Variants in SAMSN1 observed in about 807,000 individuals in gnomAD.
The protein encoded by SAMSN1 is SAM domain-containing protein SAMSN-1.
Under a neutral mutation model 42.0 loss-of-function variants are expected in SAMSN1, and 31 were observed. The observed-to-expected ratio is 0.74, with a 90% CI of 0.55 to 1.00. The LOEUF (loss-of-function observed/expected upper bound fraction) is 1.00, where lower values mean the gene tolerates loss of function less well. SAMSN1 is among the 50% of genes least tolerant of loss of function. The pLI is 0.00. For synonymous variants in SAMSN1, 178 were observed against 151.9 expected, an observed-to-expected ratio of 1.17 and a Z score of -1.26; for missense variants, 464 against 439.4, an observed-to-expected ratio of 1.06 and a Z score of -0.50.
intron 2 of SAMSN1, among the ~76,000 whole-genome samples, chr21:14,554,698 C>CT (rs34880996): frequency 0.28 from 36,576 of 130,374 alleles, 5,509 homozygotes; most frequent in African/African-American, 0.39. Flanking sequence ...TTTTCTTTTT[C>CT]TTTTTTTTTT....
At chr21:14,519,520 A>G (rs2123030217) in intron 2 of SAMSN1, among the ~76,000 whole-genome samples, 1 of 152,166 alleles carries the variant, frequency 6.6e-6, no homozygotes, top group South Asian at 2.1e-4. Flanking sequence ...ACACACAAAC[A>G]CATATATGTG....
chr21:14,569,982 T>G (rs1981243566), intron 2 of SAMSN1, among the ~76,000 whole-genome samples: 1 of 112,574 alleles, frequency 8.9e-6, no homozygotes. Context: ...CTTTAACCAC[T>G]TTCCCCCCCC....
At chr21:14,501,209 C>T (rs1451331275) in intron 5 of SAMSN1, among the ~76,000 whole-genome samples, 1 of 152,142 alleles carries the variant, frequency 6.6e-6, no homozygotes, top group Non-Finnish European at 1.5e-5. Context: ...TGACAAAAAG[C>T]TCTCACATAG....
At chr21:14,523,099 G>A (rs866934911) in intron 1 of SAMSN1, among the ~76,000 whole-genome samples, 16 of 152,270 alleles carry the variant, frequency 1.1e-4, no homozygotes, top group Middle Eastern at 6.8e-3. Flanking sequence ...TGATGTTGGA[G>A]AAAACTGTTT....
intron 5 of SAMSN1, among the ~76,000 whole-genome samples, chr21:14,603,224 A>T (rs1982480897): frequency 6.6e-6 from 1 of 152,050 alleles, no homozygotes; most frequent in Non-Finnish European, 1.5e-5. Flanking sequence ...TCTTTTAGTC[A>T]CCTTTTTACA....
At chr21:14,649,357 G>A in intron 1 of SAMSN1, among the ~76,000 whole-genome samples, 1 of 151,662 alleles carries the variant, frequency 6.6e-6, no homozygotes. Context: ...GCACCAGCAT[G>A]GCACATGTAT....
chr21:14,622,317 C>G (rs191310090), intron 2 of SAMSN1, among the ~76,000 whole-genome samples: 1 of 152,180 alleles, frequency 6.6e-6, no homozygotes, highest in African/African-American at 2.4e-5. Context: ...GATGATCAAA[C>G]TTCTCCGAGC....
intron 2 of SAMSN1, among the ~76,000 whole-genome samples, chr21:14,625,722 C>A (rs1473395952): frequency 6.6e-6 from 1 of 152,188 alleles, no homozygotes; most frequent in Non-Finnish European, 1.5e-5. Context: ...TTTACAGATT[C>A]AATGCCATCC....
chr21:14,552,721 G>T (rs1359365810), intron 2 of SAMSN1, among the ~76,000 whole-genome samples: 2 of 152,076 alleles, frequency 1.3e-5, no homozygotes, highest in Non-Finnish European at 1.5e-5. Context: ...GCATCTGTCC[G>T]TAAAGTTACT....
At chr21:14,504,634 G>C (rs1424519252) in intron 5 of SAMSN1, among the ~76,000 whole-genome samples, 1 of 152,232 alleles carries the variant, frequency 6.6e-6, no homozygotes. Flanking sequence ...AGAATAATCA[G>C]TGTTCCTGAG....
chr21:14,493,089 C>T (rs1210266832), intron 7 of SAMSN1, among the ~76,000 whole-genome samples: 1 of 152,160 alleles, frequency 6.6e-6, no homozygotes, highest in Non-Finnish European at 1.5e-5. Flanking sequence ...GGCTGCGGCC[C>T]GCCATTTGCC....
chr21:14,642,908 T>C (rs1983627986), intron 2 of SAMSN1: 1 of 597,002 alleles, frequency 1.7e-6, no homozygotes, highest in Non-Finnish European at 3.1e-6. Context: ...CTGAGAACAG[T>C]GAATTTTTGC....
chr21:14,567,888 A>G (rs1981172149), intron 2 of SAMSN1, among the ~76,000 whole-genome samples: 4 of 152,110 alleles, frequency 2.6e-5, no homozygotes, highest in African/African-American at 9.7e-5. Flanking sequence ...GGATTTAATA[A>G]CTTGTGAAAA....
intron 2 of SAMSN1, among the ~76,000 whole-genome samples, chr21:14,627,942 G>T (rs1366045477): frequency 6.6e-6 from 1 of 152,046 alleles, no homozygotes; most frequent in Admixed American, 6.6e-5. Flanking sequence ...CCTTGTCTGG[G>T]GAGCACCATT....
upstream of SAMSN1, among the ~76,000 whole-genome samples, chr21:14,547,243 C>T (rs1980440607): frequency 6.6e-6 from 1 of 152,084 alleles, no homozygotes; most frequent in Non-Finnish European, 1.5e-5. Context: ...ACAGAACCCC[C>T]AATTAACCAT....
intron 2 of SAMSN1, among the ~76,000 whole-genome samples, chr21:14,617,405 A>T (rs1024778526): frequency 3.9e-5 from 6 of 152,202 alleles, no homozygotes; most frequent in African/African-American, 7.2e-5. Context: ...TTGCCCCACA[A>T]TCAGTAGCCA....
At chr21:14,490,046 A>T (rs1986617836) in intron 7 of SAMSN1, among the ~76,000 whole-genome samples, 1 of 152,176 alleles carries the variant, frequency 6.6e-6, no homozygotes, top group African/African-American at 2.4e-5. Context: ...AAAATTAAAG[A>T]TTCAAAAAAA....
At chr21:14,515,374 G>C (rs1430042188) in intron 3 of SAMSN1, among the ~76,000 whole-genome samples, 1 of 152,046 alleles carries the variant, frequency 6.6e-6, no homozygotes, top group African/African-American at 2.4e-5. Context: ...TTTTTAACAA[G>C]AGTACCGAGA....
intron 7 of SAMSN1, among the ~76,000 whole-genome samples, chr21:14,487,657 C>T (rs1986496076): frequency 6.6e-6 from 1 of 152,168 alleles, no homozygotes; most frequent in Non-Finnish European, 1.5e-5. Flanking sequence ...TCTTAGTCTG[C>T]TCATCTTCAG....
Sources: allele counts gnomAD v4.1 joint callset (sites outside exome capture counted in the v4.1 genomes callset), GRCh38; gene constraint gnomAD v4.1.1; transcripts MANE v1.5; gene names NCBI Gene and HGNC (gene_info 2026-07-23, HGNC 2026-07-21).